Variants in HMCN2 observed in about 807,000 individuals in gnomAD.
The protein encoded by HMCN2 is hemicentin 2, also known as hemicentin-2.
A neutral mutation model predicts 377.5 loss-of-function variants in HMCN2; 325 were observed. The ratio of observed to expected loss-of-function variants is 0.86; its 90% CI spans 0.79 to 0.94. The LOEUF (loss-of-function observed/expected upper bound fraction) is 0.94. Among genes scored for constraint, HMCN2 ranks in the 40% least tolerant of loss-of-function variants. HMCN2 has a pLI of 0.00. For synonymous variants in HMCN2, 2,007 were observed against 2,046.8 expected (o/e 0.98, Z 0.53); for missense variants, 4,543 against 4,725.3 (o/e 0.96, Z 1.13).
intron 74 of HMCN2, 72 bp downstream of exon 74, chr9:130,397,727 C>T (rs958980541): frequency 4.8e-6 from 6 of 1,250,464 alleles, no homozygotes; most frequent in Non-Finnish European, 6.2e-6. Context: ...TTCTGAGTCA[C>T]CCCAGCTGTA....
chr9:130,271,536 A>G (rs1554921124), intron 1 of HMCN2, among the ~76,000 whole-genome samples: 1 of 149,140 alleles, frequency 6.7e-6, no homozygotes, highest in Admixed American at 6.7e-5. Context: ...GAGCTCGTTC[A>G]GTTGGTTTCT....
chr9:130,359,239 C>A, intron 36 of HMCN2, 80 bp from the exon 37 acceptor site: 1 of 691,956 alleles, frequency 1.4e-6, no homozygotes, highest in Non-Finnish European at 2.2e-6. Context: ...GAGCAGGGAG[C>A]AGCACTGCTG....
In HMCN2 at chr9:130,302,868, G is replaced by A. The variant is rs782487637; in HGVS notation, c.1288G>A (p.Val430Ile). 5.8e-5 allele frequency: 27 copies of A among 467,200 alleles called. No homozygotes were observed. Among genetic ancestry groups the A allele is most frequent in the South Asian group, 1.9e-4 (12 of 64,176 alleles). The allele number at this position is 467,200 out of a possible 1,614,324, so 28.9% of individuals were successfully genotyped here. ...YSGVAPGAPL[V>I]SMAPRIHGYL... Reference sequence around the variant, plus strand: ...GTCCCCGCCTACAGGCGCTCCCCTCGTCAGCATGGCCCCCAGGATCCATGG... The same window carrying A: ...GTCCCCGCCTACAGGCGCTCCCCTCATCAGCATGGCCCCCAGGATCCATGG... Residue 430 changes from valine (V) to isoleucine (I), a missense_variant, in exon 9 of 98, where the codon GTC becomes ATC. This residue lies in a region of HMCN2 where 547 missense variants were observed against 189.9 expected (regional missense o/e 2.88). Transcript: ENST00000683500.
chr9:130,316,479 C>T (rs1008758234), intron 15 of HMCN2, among the ~76,000 whole-genome samples: 40,930 of 151,910 alleles, frequency 0.27, 5,763 homozygotes, highest in Non-Finnish European at 0.32. Flanking sequence ...CCCTCCTGTC[C>T]CCTCGCCCCA....
At chr9:130,299,391 G>A (rs970216649) in intron 8 of HMCN2, 103 bp downstream of exon 8, 4 of 361,614 alleles carry the variant, frequency 1.1e-5, no homozygotes, top group African/African-American at 2.2e-5. Context: ...AGATTAGAAA[G>A]TGTTTGTTCA....
At chr9:130,420,295 C>CT (rs1455412769) in intron 86 of HMCN2, among the ~76,000 whole-genome samples, 3 of 151,876 alleles carry the variant, frequency 2.0e-5, no homozygotes, top group Non-Finnish European at 2.9e-5. Flanking sequence ...AGGATGGTGT[C>CT]TATCTCCTGA....
At chr9:130,286,906 G>A (rs534628772) in intron 4 of HMCN2, among the ~76,000 whole-genome samples, 1 of 152,134 alleles carries the variant, frequency 6.6e-6, no homozygotes, top group African/African-American at 2.4e-5. Context: ...TCCTCTCGGG[G>A]CTCCATGGTA....
rs1291649908 is a variant in HMCN2, at chr9:130,384,476, C to T, written c.8934C>T (p.Val2978=). ...TCCACGCTCACCCAAACCCCGAGGT[C>T]ACGTGGTACAAGGACAGCCAGGCCC... is the stretch of plus-strand genomic sequence containing the variant. The part of the protein sequence containing the change: ...CDVHAHPNPE[V]TWYKDSQALS... Residue 2978 remains valine (V), a synonymous_variant, in exon 58 of 98, where the codon GTC becomes GTT. Coordinates refer to ENST00000683500, the MANE Select transcript of HMCN2 (RefSeq NM_001291815.2). The T allele has an allele frequency of 6.1e-6, 8 of 1,304,152 alleles. No homozygotes were observed. The Admixed American group carries it at 6.9e-5, about 11-fold the overall frequency. 80.8% of individuals were successfully genotyped at this position (1,304,152 alleles called of 1,614,324 possible).
At chr9:130,404,181 G>A (rs1842980026) in intron 80 of HMCN2, among the ~76,000 whole-genome samples, 1 of 152,158 alleles carries the variant, frequency 6.6e-6, no homozygotes, top group Admixed American at 6.5e-5. Flanking sequence ...CCCTTAGTTT[G>A]ATCAATCATT....
At chr9:130,417,408 G>A (rs1360139705) in intron 85 of HMCN2, among the ~76,000 whole-genome samples, 3 of 151,746 alleles carry the variant, frequency 2.0e-5, no homozygotes, top group African/African-American at 7.3e-5. Flanking sequence ...TGTAATCCCA[G>A]CTACTCAGGA....
chr9:130,330,601 G>A (rs2131433891), intron 22 of HMCN2, among the ~76,000 whole-genome samples: 1 of 152,096 alleles, frequency 6.6e-6, no homozygotes, highest in East Asian at 1.9e-4. Context: ...AGGTATCTTC[G>A]ACCCCCCCAA....
At chr9:130,390,291 C>T (rs1385770431) in intron 62 of HMCN2, among the ~76,000 whole-genome samples, 1 of 151,890 alleles carries the variant, frequency 6.6e-6, no homozygotes. Context: ...CCATCAGGGG[C>T]TCACAGGGCT....
intron 19 of HMCN2, among the ~76,000 whole-genome samples, chr9:130,323,317 C>CCT (rs1837949412): frequency 6.6e-6 from 1 of 152,158 alleles, no homozygotes; most frequent in African/African-American, 2.4e-5. Flanking sequence ...CTTCTGGATT[C>CCT]CTCTCCTGGC....
chr9:130,316,972 G>C (rs1837594229), intron 15 of HMCN2, among the ~76,000 whole-genome samples: 1 of 152,138 alleles, frequency 6.6e-6, no homozygotes, highest in Non-Finnish European at 1.5e-5. Context: ...TTATTTGGGG[G>C]GCTCCAGGTT....
intron 77 of HMCN2, among the ~76,000 whole-genome samples, chr9:130,402,311 C>G (rs1842890598): frequency 1.3e-5 from 2 of 152,194 alleles, no homozygotes; most frequent in Non-Finnish European, 2.9e-5. Context: ...AGCCTGCAGT[C>G]TGGGAAGGTT....
intron 15 of HMCN2, among the ~76,000 whole-genome samples, chr9:130,310,650 G>A (rs1288709070): frequency 6.6e-6 from 1 of 151,638 alleles, no homozygotes; most frequent in East Asian, 1.9e-4. Context: ...ACCAGGAGGC[G>A]GGGGCTACCC....
intron 93 of HMCN2, chr9:130,429,293 G>GAT: frequency 1.9e-6 from 1 of 520,572 alleles, no homozygotes; most frequent in South Asian, 2.5e-5. Flanking sequence ...CCAAGGGCTA[G>GAT]AATATGGAGA....
intron 1 of HMCN2, among the ~76,000 whole-genome samples, chr9:130,278,625 C>T (rs1834930188): frequency 6.6e-6 from 1 of 151,758 alleles, no homozygotes; most frequent in Non-Finnish European, 1.5e-5. Flanking sequence ...TCTTGTTGCC[C>T]AGGCTGGAGT....
chr9:130,430,741 G>A, intron 95 of HMCN2, 137 bp downstream of exon 95: 1 of 799,170 alleles, frequency 1.3e-6, no homozygotes, highest in East Asian at 2.7e-5. Context: ...TGTGGTGGAT[G>A]GTGGCTTCTC....
Sources: allele counts gnomAD v4.1 joint callset (sites outside exome capture counted in the v4.1 genomes callset), GRCh38; gene constraint gnomAD v4.1.1; regional missense constraint gnomAD v4.1.1; transcripts MANE v1.5; gene names NCBI Gene and HGNC (gene_info 2026-07-23, HGNC 2026-07-21).